The following GPC4 variants were observed in gnomAD, a reference collection of about 807,000 sequenced individuals.
GPC4 encodes the protein glypican 4, also known as glypican-4.
A neutral mutation model predicts 35.0 loss-of-function variants in GPC4; 10 were observed. That is an observed-to-expected ratio of 0.29 (90% CI 0.18 to 0.48). The LOEUF is 0.48. Ranked by LOEUF, GPC4 falls within the 20% of genes least tolerant of loss-of-function variation. The probability of loss-of-function intolerance (pLI) is 0.99; values close to 1 mark genes in which losing one functional copy is unlikely to be tolerated. For synonymous variants in GPC4, 167 were observed against 170.2 expected, an observed-to-expected ratio of 0.98 and a Z score of 0.15; for missense variants, 322 against 451.3, an observed-to-expected ratio of 0.71 and a Z score of 2.60.
rs867211185 is a variant in GPC4, at chrX:133,406,766, A to G, written c.160+8040T>C. On this transcript the variant is annotated intron_variant, in intron 1 of 8. Coordinates refer to ENST00000370828, the MANE Select transcript of GPC4 (RefSeq NM_001448.3). ...TCGTCTCAAAAAAAAAAAAAAAAAA[A>G]AAAGAAAATTAAAAAAAACTACCAT... Among the ~76,000 whole-genome samples the G allele has an allele frequency of 8.0e-3, 843 of 104,791 alleles. 15 individuals carry two copies. Among genetic ancestry groups the G allele is most frequent in the African/African-American group, 0.028 (791 of 28,515 alleles). The allele number at this position is 104,791 out of a possible 115,157, so 91.0% of individuals were successfully genotyped here.
chrX:133,371,751 T>C (rs2068613160), intron 1 of GPC4, among the ~76,000 whole-genome samples: 1 of 111,455 alleles, frequency 9.0e-6, no homozygotes, highest in South Asian at 3.8e-4. Context: ...ACTTAAAATG[T>C]TTTTCATAGG....
chrX:133,308,068 C>G (rs113398982), intron 4 of GPC4, among the ~76,000 whole-genome samples: 1,603 of 112,085 alleles, frequency 0.014, 34 homozygotes, highest in African/African-American at 0.047. Context: ...TCTGCCTGCA[C>G]TCTGCAGCCC....
At chrX:133,310,971 G>A (rs2068312044) in intron 4 of GPC4, among the ~76,000 whole-genome samples, 1 of 111,198 alleles carries the variant, frequency 9.0e-6, no homozygotes, top group Non-Finnish European at 1.9e-5. Flanking sequence ...TCCAGCCTAG[G>A]TGACAGAAAG....
chrX:133,393,878 C>T (rs891283656), intron 1 of GPC4, among the ~76,000 whole-genome samples: 22 of 111,801 alleles, frequency 2.0e-4, no homozygotes, highest in Admixed American at 9.6e-5. Context: ...CAGTCATTTG[C>T]AATTTTTAAC....
chrX:133,362,213 C>CAA (rs370997173), intron 1 of GPC4, among the ~76,000 whole-genome samples: 21 of 72,348 alleles, frequency 2.9e-4, no homozygotes, highest in African/African-American at 1.1e-3. Context: ...GACTCTGTCT[C>CAA]AAAAAAAAAA....
At chrX:133,406,616 G>T (rs2068788828) in intron 1 of GPC4, among the ~76,000 whole-genome samples, 1 of 107,861 alleles carries the variant, frequency 9.3e-6, no homozygotes, top group African/African-American at 3.4e-5. Flanking sequence ...AGGAGTGGTG[G>T]TGTGCTCCTG....
intron 1 of GPC4, among the ~76,000 whole-genome samples, chrX:133,343,911 T>C (rs956447332): frequency 9.0e-6 from 1 of 110,655 alleles, no homozygotes; most frequent in Non-Finnish European, 1.9e-5. Flanking sequence ...AAGTAGGCAT[T>C]GAATATGAGG....
chrX:133,360,341 A>G (rs964195503), intron 1 of GPC4, among the ~76,000 whole-genome samples: 16 of 111,856 alleles, frequency 1.4e-4, no homozygotes, highest in South Asian at 3.7e-4. Context: ...ATTAAGGTTC[A>G]GTGTGCAAAG....
intron 1 of GPC4, among the ~76,000 whole-genome samples, chrX:133,390,194 T>A (rs777546500): frequency 2.1e-4 from 23 of 111,567 alleles, no homozygotes; most frequent in African/African-American, 3.9e-4. Context: ...CTTCTTCACC[T>A]CAAACTGCTT....
At chrX:133,342,075 T>C (rs1403901632) in intron 1 of GPC4, among the ~76,000 whole-genome samples, 1 of 99,566 alleles carries the variant, frequency 1.0e-5, no homozygotes, top group Non-Finnish European at 2.0e-5. Flanking sequence ...CTCACTCTAC[T>C]GCCCAGGCTG....
At chrX:133,329,236 C>T (rs1377551972) in intron 2 of GPC4, among the ~76,000 whole-genome samples, 3 of 112,222 alleles carry the variant, frequency 2.7e-5, no homozygotes. Context: ...TCACTCACCT[C>T]ATATGGATAA....
At chrX:133,338,524 T>C (rs2068453815) in intron 2 of GPC4, among the ~76,000 whole-genome samples, 1 of 112,006 alleles carries the variant, frequency 8.9e-6, no homozygotes, top group African/African-American at 3.2e-5. Flanking sequence ...TCATATTGGC[T>C]ATTTCTTCAA....
chrX:133,307,304 A>T (rs969546736), intron 4 of GPC4, among the ~76,000 whole-genome samples: 1 of 112,121 alleles, frequency 8.9e-6, no homozygotes, highest in African/African-American at 3.2e-5. Context: ...TCTAGTGGAA[A>T]GCAGCATAGG....
At chrX:133,377,866 C>CTTTTCTTTTTCT (rs2068641470) in intron 1 of GPC4, among the ~76,000 whole-genome samples, 1 of 99,902 alleles carries the variant, frequency 1.0e-5, no homozygotes, top group Non-Finnish European at 2.0e-5. Context: ...GTATACCATA[C>CTTTTCTTTTTCT]TTTTCTTTTT....
At chrX:133,386,043 TAAATA>T (rs1249604694) in intron 1 of GPC4, among the ~76,000 whole-genome samples, 1 of 107,788 alleles carries the variant, frequency 9.3e-6, no homozygotes, top group Non-Finnish European at 1.9e-5. Context: ...AAAATAAAAA[TAAATA>T]AAATAAATAA....
At chrX:133,361,730 G>A (rs1399812839) in intron 1 of GPC4, among the ~76,000 whole-genome samples, 2 of 111,698 alleles carry the variant, frequency 1.8e-5, no homozygotes, top group African/African-American at 6.5e-5. Context: ...TAACCCTGAA[G>A]GCTGAAATAA....
chrX:133,360,756 G>A (rs899880089), intron 1 of GPC4, among the ~76,000 whole-genome samples: 5 of 111,745 alleles, frequency 4.5e-5, no homozygotes, highest in African/African-American at 1.6e-4. Context: ...AGTGACAGCT[G>A]AAAAGGAAGG....
At chrX:133,413,183 G>A (rs1210634053) in intron 1 of GPC4, among the ~76,000 whole-genome samples, 1 of 111,524 alleles carries the variant, frequency 9.0e-6, no homozygotes, top group Non-Finnish European at 1.9e-5. Flanking sequence ...GCTTTTCAGG[G>A]CTCTACAACC....
chrX:133,324,550 CAAAAAAAAAAA>C lies in GPC4; in HGVS notation c.320-25_320-15del. Reference sequence around the variant, plus strand: ...CTTTGAAGAATTCTGAAACCAACACCAAAAAAAAAAAAAAAAAAAGGAAAAACGAGAGTTTT... The same window carrying C: ...CTTTGAAGAATTCTGAAACCAACACCAAAAAAAAGGAAAAACGAGAGTTTT... On this transcript the variant is annotated splice_polypyrimidine_tract_variant and intron_variant, in intron 2 of 8. Coordinates refer to ENST00000370828, the MANE Select transcript of GPC4 (RefSeq NM_001448.3). The C allele has an allele frequency of 1.2e-6, 1 of 811,277 alleles. No homozygotes were observed. The highest frequency in any genetic ancestry group is 1.5e-6 in the Non-Finnish European group (1 of 646,525). The allele number at this position is 811,277 out of a possible 1,213,427, so 66.9% of individuals were successfully genotyped here. A position where few individuals can be genotyped will look rare whatever the true frequency, so the allele number is the denominator to read the frequency against.
Sources: gnomAD v4.1 joint callset for allele counts (sites outside exome capture counted in the v4.1 genomes callset) on GRCh38, gnomAD v4.1.1 for gene constraint, MANE v1.5 for transcripts, NCBI Gene and HGNC (gene_info 2026-07-23, HGNC 2026-07-21) for gene names.